The following MB21D2 variants were observed in gnomAD, a reference collection of about 807,000 sequenced individuals.
MB21D2 encodes Mab-21 domain containing 2, also known as nucleotidyltransferase MB21D2.
A neutral mutation model predicts 33.3 loss-of-function variants in MB21D2; 9 were observed. The ratio of observed to expected loss-of-function variants is 0.27; its 90% CI spans 0.16 to 0.47. The LOEUF (loss-of-function observed/expected upper bound fraction) is 0.47, where lower values mean the gene tolerates loss of function less well. Among genes scored for constraint, MB21D2 ranks in the 20% least tolerant of loss-of-function variants. The pLI is 0.99. For synonymous variants in MB21D2, 241 were observed against 236.3 expected (o/e 1.02, Z -0.18); for missense variants, 540 against 624.6 (o/e 0.86, Z 1.44).
At chr3:192,869,143 T>G (rs1354929246) in intron 1 of MB21D2, among the ~76,000 whole-genome samples, 1 of 151,840 alleles carries the variant, frequency 6.6e-6, no homozygotes, top group Non-Finnish European at 1.5e-5. Flanking sequence ...GTAATCCCAC[T>G]TACTCAGGAG....
intron 1 of MB21D2, among the ~76,000 whole-genome samples, chr3:192,831,534 CAT>C (rs1414015061): frequency 1.3e-5 from 2 of 152,312 alleles, no homozygotes; most frequent in East Asian, 3.9e-4. Flanking sequence ...AGCAATTTTC[CAT>C]AGTCACGTCA....
At chr3:192,887,930 G>A (rs1713767954) in intron 1 of MB21D2, among the ~76,000 whole-genome samples, 1 of 152,076 alleles carries the variant, frequency 6.6e-6, no homozygotes, top group East Asian at 1.9e-4. Flanking sequence ...CAAGCTCCCA[G>A]GTGCTGGTGC....
chr3:192,877,902 G>A (rs1713467753), intron 1 of MB21D2, among the ~76,000 whole-genome samples: 1 of 150,598 alleles, frequency 6.6e-6, no homozygotes, highest in Non-Finnish European at 1.5e-5. Flanking sequence ...AAGGGCCAAA[G>A]ATACAAGTAG....
intron 1 of MB21D2, among the ~76,000 whole-genome samples, chr3:192,891,313 GC>G (rs1289208553): frequency 6.6e-6 from 1 of 152,188 alleles, no homozygotes; most frequent in Non-Finnish European, 1.5e-5. Context: ...ACTGCAGGCA[GC>G]CGATTCATAA....
intron 1 of MB21D2, among the ~76,000 whole-genome samples, chr3:192,828,677 C>A (rs1260886295): frequency 2.4e-5 from 3 of 123,868 alleles, no homozygotes; most frequent in Admixed American, 9.2e-5. Flanking sequence ...GAGACGGAGT[C>A]TCGCTCTGTC....
At chr3:192,817,646 G>A (rs1409073651) in intron 1 of MB21D2, among the ~76,000 whole-genome samples, 3 of 152,186 alleles carry the variant, frequency 2.0e-5, no homozygotes, top group African/African-American at 4.8e-5. Context: ...TGTTTGTGGT[G>A]TAGTGTCCTT....
At chr3:192,824,006 A>G (rs928300435) in intron 1 of MB21D2, among the ~76,000 whole-genome samples, 9 of 152,220 alleles carry the variant, frequency 5.9e-5, no homozygotes, top group Non-Finnish European at 1.2e-4. Flanking sequence ...AGTGAGTACA[A>G]AAGACAATGT....
At chr3:192,809,377 G>A (rs1016017688) in intron 1 of MB21D2, among the ~76,000 whole-genome samples, 18 of 152,154 alleles carry the variant, frequency 1.2e-4, no homozygotes, top group African/African-American at 4.3e-4. Flanking sequence ...TTACAGGCGT[G>A]AGCCACCATG....
chr3:192,911,634 G>C (rs993856426), intron 1 of MB21D2, among the ~76,000 whole-genome samples: 1 of 151,854 alleles, frequency 6.6e-6, no homozygotes, highest in African/African-American at 2.4e-5. Context: ...ATTAAAAAGG[G>C]GCTCAGCCTA....
chr3:192,817,088 T>C (rs1673146413), intron 1 of MB21D2, among the ~76,000 whole-genome samples: 1 of 152,214 alleles, frequency 6.6e-6, no homozygotes, highest in Admixed American at 6.5e-5. Context: ...CTTTTAAAAA[T>C]AAATATTCCA....
intron 1 of MB21D2, among the ~76,000 whole-genome samples, chr3:192,835,455 C>CGAAA (rs1712417100): frequency 1.6e-5 from 1 of 61,172 alleles, no homozygotes; most frequent in African/African-American, 5.7e-5. Flanking sequence ...GACTCTGTCT[C>CGAAA]AAAAAAAAAA....
intron 1 of MB21D2, among the ~76,000 whole-genome samples, chr3:192,897,411 T>C (rs1714003141): frequency 3.9e-5 from 6 of 152,172 alleles, no homozygotes; most frequent in Admixed American, 3.9e-4. Flanking sequence ...CATTAGGTTT[T>C]GAGTTCCCAT....
intron 1 of MB21D2, among the ~76,000 whole-genome samples, chr3:192,917,050 C>G (rs940444984): frequency 6.6e-5 from 10 of 152,234 alleles, no homozygotes; most frequent in Admixed American, 2.0e-4. Flanking sequence ...CTCCGGACGC[C>G]TAGACTACTT....
At chr3:192,828,957 C>A (rs1032033586) in intron 1 of MB21D2, among the ~76,000 whole-genome samples, 2 of 151,948 alleles carry the variant, frequency 1.3e-5, no homozygotes, top group Non-Finnish European at 2.9e-5. Context: ...CCAAAACTCA[C>A]CCCCTTTTAA....
intron 1 of MB21D2, among the ~76,000 whole-genome samples, chr3:192,900,200 T>C (rs776983336): frequency 1.4e-5 from 2 of 147,986 alleles, no homozygotes; most frequent in African/African-American, 2.5e-5. Context: ...AGGAGAATGG[T>C]GTGAACCCGG....
At chr3:192,872,659 G>C (rs1713336096) in intron 1 of MB21D2, among the ~76,000 whole-genome samples, 1 of 152,006 alleles carries the variant, frequency 6.6e-6, no homozygotes, top group Admixed American at 6.5e-5. Flanking sequence ...TGACGGTAAT[G>C]TTCCCTACGG....
chr3:192,813,937 C>T (rs1049146416), intron 1 of MB21D2, among the ~76,000 whole-genome samples: 8 of 152,174 alleles, frequency 5.3e-5, no homozygotes, highest in African/African-American at 1.9e-4. Flanking sequence ...AAACACACAT[C>T]TTTGATGAAA....
chr3:192,882,926 C>T (rs1713637923), intron 1 of MB21D2, among the ~76,000 whole-genome samples: 2 of 151,758 alleles, frequency 1.3e-5, no homozygotes, highest in Non-Finnish European at 2.9e-5. Context: ...AGAGATGGGG[C>T]TTTGCCATGT....
At chr3:192,840,990 T>C (rs1301602172) in intron 1 of MB21D2, among the ~76,000 whole-genome samples, 2 of 152,238 alleles carry the variant, frequency 1.3e-5, no homozygotes, top group Non-Finnish European at 2.9e-5. Flanking sequence ...ACATGGGTTT[T>C]AGATTTAAAG....
Sources: allele counts gnomAD v4.1 joint callset (sites outside exome capture counted in the v4.1 genomes callset), GRCh38; gene constraint gnomAD v4.1.1; transcripts MANE v1.5; gene names NCBI Gene and HGNC (gene_info 2026-07-23, HGNC 2026-07-21).